The following DDB1 variants were observed in gnomAD, a reference collection of about 807,000 sequenced individuals.
DDB1 encodes damage specific DNA binding protein 1.
DDB1 carries 18 observed loss-of-function variants against 133.1 expected under a neutral mutation model. That is an observed-to-expected ratio of 0.14 (90% CI 0.09 to 0.20). The LOEUF (loss-of-function observed/expected upper bound fraction) is 0.20, where lower values mean the gene tolerates loss of function less well. Ranked by LOEUF, DDB1 falls within the 10% of genes least tolerant of loss-of-function variation. The pLI is 1.00. For synonymous variants in DDB1, 580 were observed against 550.5 expected (o/e 1.05, Z -0.75); for missense variants, 828 against 1,459.2 (o/e 0.57, Z 7.05).
chr11:61,314,823 C>CTTTTTTT (rs549452269), intron 12 of DDB1: 3 of 81,160 alleles, frequency 3.7e-5, no homozygotes, highest in Non-Finnish European at 4.5e-5. Context: ...AGTTTTTTGG[C>CTTTTTTT]TTTTTTTTTT....
chr11:61,300,443 G>A (rs1855773962), intron 26 of DDB1, among the ~76,000 whole-genome samples: 1 of 152,152 alleles, frequency 6.6e-6, no homozygotes, highest in Admixed American at 6.5e-5. Flanking sequence ...CTATCCCCGA[G>A]ACACCATCTC....
At position 61,329,404 on chromosome 11, in the gene DDB1, G is replaced by A. The variant is rs749883418; in HGVS notation, c.508C>T (p.Leu170=). 1.2e-6 allele frequency: 2 copies of A among 1,614,170 alleles called. No homozygotes were observed. Among genetic ancestry groups the A allele is most frequent in the Non-Finnish European group, 1.7e-6 (2 of 1,180,024 alleles). The change falls in exon 4 of 27, where the codon CTA becomes TTA. Residue 170 remains leucine, a synonymous_variant. Transcript: ENST00000301764. ...ATAGTAGGTGCTTGGCAACCATATA[G>A]GAACTTGACATCAATGACATGCAGC... ...EELHVIDVKF[L]YGCQAPTICF...
At chr11:61,319,233 A>G (rs893572945) in intron 10 of DDB1, among the ~76,000 whole-genome samples, 1 of 152,260 alleles carries the variant, frequency 6.6e-6, no homozygotes, top group East Asian at 1.9e-4. Context: ...AAAAATTTAA[A>G]AAGTCCCAAC....
rs28720363 is a variant in DDB1, at chr11:61,300,065, G to A, written c.*71C>T. 507 of 1,506,548 alleles carry A rather than the reference G, an allele frequency of 3.4e-4. No homozygotes were observed. Among genetic ancestry groups the A allele is most frequent in the East Asian group, 6.1e-4 (27 of 44,346 alleles). 93.3% of individuals were successfully genotyped at this position (1,506,548 alleles called of 1,614,324 possible). Reference sequence around the variant, plus strand: ...GCCTCCCATGGCCAAGAAGACGATGGTGGAGAGGAGGGGGAGGGCAGCAGG... The same window carrying A: ...GCCTCCCATGGCCAAGAAGACGATGATGGAGAGGAGGGGGAGGGCAGCAGG... On this transcript the variant is annotated 3_prime_UTR_variant, in exon 27 of 27. Coordinates refer to ENST00000301764, the MANE Select transcript of DDB1 (RefSeq NM_001923.5).
intron 9 of DDB1, 47 bp downstream of exon 9, chr11:61,322,249 G>GT (rs767166170): frequency 2.8e-6 from 4 of 1,452,706 alleles, no homozygotes; most frequent in Non-Finnish European, 3.9e-6. Flanking sequence ...GGAGGACACA[G>GT]TTTGAGTGGG....
chr11:61,301,569 T>G (rs941394015), intron 25 of DDB1: 1 of 151,700 alleles, frequency 6.6e-6, no homozygotes, highest in Admixed American at 6.6e-5. Context: ...AGAACCCACC[T>G]CCAATTAAAA....
intron 18 of DDB1, 36 bp downstream of exon 18, chr11:61,311,748 G>A (rs1421696513): frequency 6.3e-7 from 1 of 1,581,516 alleles, no homozygotes; most frequent in Non-Finnish European, 8.6e-7. Context: ...GCTGGCCCCT[G>A]CTCTAAGGTC....
In DDB1 at chr11:61,316,485, T is replaced by C. The variant is rs1461822286; in HGVS notation, c.1301+7A>G. 6.2e-7 allele frequency: 1 copy of C among 1,614,002 alleles called. No individual in the cohort carries two copies. The highest frequency in any genetic ancestry group is 8.5e-7 in the Non-Finnish European group (1 of 1,180,034). ...GCACCTACAGCTGGCACTAGACCCA[T>C]CCTTACCTTGTCTGGCCCACAAAAG... On this transcript the variant is annotated splice_region_variant and intron_variant, in intron 11 of 26. Coordinates refer to ENST00000301764, the MANE Select transcript of DDB1 (RefSeq NM_001923.5).
intron 10 of DDB1, 160 bp downstream of exon 10, chr11:61,321,435 T>C: frequency 1.8e-6 from 1 of 558,142 alleles, no homozygotes; most frequent in Non-Finnish European, 3.2e-6. Flanking sequence ...AGTTTACTTT[T>C]ATACTTTCAG....
chr11:61,326,858 C>T lies in DDB1; in HGVS notation c.585G>A (p.Val195=). 6.2e-7 allele frequency: 1 copy of T among 1,614,096 alleles called. No individual in the cohort carries two copies. Among genetic ancestry groups the T allele is most frequent in the Non-Finnish European group, 8.5e-7 (1 of 1,180,024 alleles). The change falls in exon 5 of 27, where the codon GTG becomes GTA. Residue 195 remains valine (V), a synonymous_variant. Transcript: ENST00000301764. ...PQGRHVKTYE[V]SLREKEFNKG... ...TATTGAATTCCTTTTCTCGGAGAGA[C>T]ACCTCATAGGTTTTTACGTGCCGCC...
At chr11:61,325,750 G>T in intron 5 of DDB1, 42 bp from the exon 6 acceptor site, 2 of 1,523,640 alleles carry the variant, frequency 1.3e-6, no homozygotes, top group Non-Finnish European at 1.8e-6. Flanking sequence ...AGCACTCTGG[G>T]TCTGCCAAAC....
intron 6 of DDB1, 40 bp from the exon 7 acceptor site, chr11:61,324,177 C>T (rs1411094181): frequency 1.2e-6 from 2 of 1,612,088 alleles, no homozygotes; most frequent in East Asian, 2.2e-5. Flanking sequence ...GATTCAGCAT[C>T]TTCTACACCA....
At chr11:61,321,746 C>T (rs1247919239) in intron 9 of DDB1, 49 bp from the exon 10 acceptor site, 2 of 1,515,408 alleles carry the variant, frequency 1.3e-6, no homozygotes, top group Admixed American at 3.3e-5. Context: ...GATACTGGGC[C>T]AGTCATACTG....
chr11:61,309,717 C>A, intron 20 of DDB1, 79 bp downstream of exon 20: 2 of 1,471,624 alleles, frequency 1.4e-6, no homozygotes, highest in South Asian at 1.3e-5. Flanking sequence ...TTAACTGAGG[C>A]TCTCTGAAAC....
rs1855762258 is a variant in DDB1, at chr11:61,299,806, C to T, written c.*330G>A. 2 of 424,084 alleles carry T rather than the reference C, an allele frequency of 4.7e-6. No homozygotes were observed. Among genetic ancestry groups the T allele is most frequent in the Non-Finnish European group, 8.9e-6 (2 of 224,990 alleles). 26.3% of individuals were successfully genotyped at this position (424,084 alleles called of 1,614,324 possible). On this transcript the variant is annotated 3_prime_UTR_variant, in exon 27 of 27. Coordinates refer to ENST00000301764, the MANE Select transcript of DDB1 (RefSeq NM_001923.5). ...ATACACACACACACATACACACACA[C>T]ACACGCACAGCTTCCTTTCAGCCAA... is the stretch of plus-strand genomic sequence containing the variant.
In DDB1 at chr11:61,326,913, T is replaced by C. The variant is rs1856279727; in HGVS notation, c.550-20A>G. ...AGGGTCCTGGGGGGGAAAGGTAAAA[T>C]GGTTAGCCCTTAGGAAGGGTGAGCC... On this transcript the variant is annotated intron_variant, in intron 4 of 26. Transcript: ENST00000301764. 6.3e-7 allele frequency: 1 copy of C among 1,588,438 alleles called. No individual in the cohort carries two copies. Among genetic ancestry groups the C allele is most frequent in the African/African-American group, 1.3e-5 (1 of 74,406 alleles).
At chr11:61,313,424 G>A in intron 16 of DDB1, 75 bp downstream of exon 16, 1 of 1,357,072 alleles carries the variant, frequency 7.4e-7, no homozygotes, top group Middle Eastern at 1.8e-4. Flanking sequence ...AAAAGGCTTT[G>A]AGGTAAGGGT....
intron 21 of DDB1, among the ~76,000 whole-genome samples, chr11:61,304,390 A>G (rs970305293): frequency 6.6e-6 from 1 of 152,152 alleles, no homozygotes; most frequent in Non-Finnish European, 1.5e-5. Context: ...TGAACCCAGG[A>G]GACAGAGGTT....
Position 61,300,127 on chromosome 11 carries a change from T to A in DDB1, c.*9A>T, listed in dbSNP as rs1238885173. The A allele has an allele frequency of 6.2e-7, 1 of 1,613,932 alleles. No individual in the cohort carries two copies. The highest frequency in any genetic ancestry group is 2.2e-5 in the East Asian group (1 of 44,874). On this transcript the variant is annotated 3_prime_UTR_variant, in exon 27 of 27. Transcript: ENST00000301764. The stretch of plus-strand genomic sequence containing the variant: ...GGGGAGGGTCAGCAAAGGGGCCCCC[T>A]GCCCTTGGCTAATGGATCCGAGTTA...
Sources: gnomAD v4.1 joint callset for allele counts (sites outside exome capture counted in the v4.1 genomes callset) on GRCh38, gnomAD v4.1.1 for gene constraint, MANE v1.5 for transcripts, NCBI Gene and HGNC (gene_info 2026-07-23, HGNC 2026-07-21) for gene names.